CAPN2: variants seen among roughly 807,000 people sequenced by gnomAD.
CAPN2 encodes the protein calpain-2 catalytic subunit.
Under a neutral mutation model 102.3 loss-of-function variants are expected in CAPN2, and 92 were observed. That is an observed-to-expected ratio of 0.90 (90% CI 0.76 to 1.07). CAPN2 has a LOEUF of 1.07. Among genes scored for constraint, CAPN2 ranks in the 50% least tolerant of loss-of-function variants. The pLI is 0.00. For synonymous variants in CAPN2, 340 were observed against 355.4 expected (o/e 0.96, Z 0.49); for missense variants, 800 against 909.4 (o/e 0.88, Z 1.55).
chr1:223,708,598 G>A (rs1285009143), upstream of CAPN2, among the ~76,000 whole-genome samples: 1 of 151,640 alleles, frequency 6.6e-6, no homozygotes, highest in Non-Finnish European at 1.5e-5. Context: ...AGGAAACCCC[G>A]TCTCTACTAA....
In CAPN2 at chr1:223,755,323, A is replaced by G. The variant is rs1236840383; in HGVS notation, c.1136-157A>G. On this transcript the variant is annotated intron_variant, in intron 9 of 20. Coordinates refer to ENST00000295006, the MANE Select transcript of CAPN2 (RefSeq NM_001748.5). The surrounding 1 kb of genome is among the most constrained non-coding windows in gnomAD (Gnocchi z 4.1). ...CTTCTGCCATACTCTGCCATCTCCC[A>G]CCATCCCCCACCACCTCTTACCATC... Among the ~76,000 whole-genome samples, 1 of 150,644 alleles carries G rather than the reference A, an allele frequency of 6.6e-6. No homozygotes were observed. Among genetic ancestry groups the G allele is most frequent in the Non-Finnish European group, 1.5e-5 (1 of 67,648 alleles).
At chr1:223,749,152 C>G in intron 6 of CAPN2, 30 bp downstream of exon 6, 1 of 1,589,350 alleles carries the variant, frequency 6.3e-7, no homozygotes, top group Non-Finnish European at 8.6e-7. Context: ...TGCAGGGGTC[C>G]TGCTGTCCTG....
At position 223,769,847 on chromosome 1, in the gene CAPN2, G is replaced by A. The variant is rs753349903; in HGVS notation, c.1762G>A (p.Gly588Arg). Residue 588 changes from glycine (G) to arginine (R), a missense_variant, in exon 17 of 21, where the codon GGG becomes AGG. Coordinates refer to ENST00000295006, the MANE Select transcript of CAPN2 (RefSeq NM_001748.5). The part of the protein sequence containing the change: ...KIMVDMLDSD[G>R]SGKLGLKEFY... ...TTTCCTTGACTGAAGGCAGTCGGAC[G>A]GGAGTGGCAAGCTGGGGCTGAAGGA... The A allele has an allele frequency of 1.7e-5, 28 of 1,608,450 alleles. No individual in the cohort carries two copies. The highest frequency in any genetic ancestry group is 6.7e-5 in the African/African-American group (5 of 74,832).
intron 2 of CAPN2, among the ~76,000 whole-genome samples, chr1:223,722,281 CTTTTTTTTTTTT>C (rs34894876): frequency 0.25 from 22,491 of 88,620 alleles, 2,041 homozygotes; most frequent in Middle Eastern, 0.34. Flanking sequence ...TTCTTTCTTT[CTTTTTTTTTTTT>C]TTTTTTTTTT....
chr1:223,738,181 G>A (rs149800204), intron 2 of CAPN2, among the ~76,000 whole-genome samples: 119 of 151,112 alleles, frequency 7.9e-4, no homozygotes, highest in African/African-American at 2.7e-3. Flanking sequence ...TTTGTGAGAC[G>A]GGGTCTTGTT....
chr1:223,755,414 G>C lies in CAPN2; in HGVS notation c.1136-66G>C. On this transcript the variant is annotated intron_variant, in intron 9 of 20. Coordinates refer to ENST00000295006, the MANE Select transcript of CAPN2 (RefSeq NM_001748.5). The surrounding 1 kb of genome is among the most constrained non-coding windows in gnomAD (Gnocchi z 4.1). ...TCAGAAGCCTCCAAGCCTGAGACCAGGGCCACCCCCCACCCCCATGCATTC... is the reference window on the plus strand; with the variant it reads ...TCAGAAGCCTCCAAGCCTGAGACCACGGCCACCCCCCACCCCCATGCATTC... The C allele has an allele frequency of 6.4e-7, 1 of 1,565,248 alleles. No homozygotes were observed. The highest frequency in any genetic ancestry group is 1.1e-5 in the South Asian group (1 of 87,616).
chr1:223,771,057 T>A (rs1234359801), intron 18 of CAPN2: 1 of 153,308 alleles, frequency 6.5e-6, no homozygotes, highest in Non-Finnish European at 1.5e-5. Context: ...CTTTCTGTCG[T>A]ATAGCAATCC....
At chr1:223,746,695 G>T (rs544474805) in intron 4 of CAPN2, among the ~76,000 whole-genome samples, 73 of 152,158 alleles carry the variant, frequency 4.8e-4, no homozygotes, top group African/African-American at 1.7e-3. Flanking sequence ...GGCCAGGCTG[G>T]TCTTGAACTC....
At chr1:223,773,159 G>C (rs977554049) in intron 20 of CAPN2, 13 of 152,194 alleles carry the variant, frequency 8.5e-5, no homozygotes, top group Admixed American at 2.0e-4. Context: ...TGAAAATATA[G>C]TCTATCTGGT....
chr1:223,717,670 G>A (rs556248344), intron 1 of CAPN2, 92 bp from the exon 2 acceptor site: 6 of 948,148 alleles, frequency 6.3e-6, no homozygotes, highest in Non-Finnish European at 1.0e-5. Context: ...AAGGGGAGAA[G>A]GGGTTAGAAG....
chr1:223,721,832 T>C (rs1571784193), intron 2 of CAPN2, among the ~76,000 whole-genome samples: 1 of 152,232 alleles, frequency 6.6e-6, no homozygotes, highest in African/African-American at 2.4e-5. Context: ...GAAATGGGAA[T>C]AATGATAAGG....
chr1:223,770,512 A>T lies in CAPN2; in HGVS notation c.1890A>T (p.Ala630=). 1 of 1,613,004 alleles carries T rather than the reference A, an allele frequency of 6.2e-7. No individual in the cohort carries two copies. The highest frequency in any genetic ancestry group is 8.5e-7 in the Non-Finnish European group (1 of 1,179,030). Residue 630 remains alanine, a synonymous_variant, in exon 18 of 21, where the codon GCA becomes GCT. Transcript: ENST00000295006. ...TGAATTCCTATGAAATGCGGAAGGC[A>T]TTAGAAGAAGCAGGTAACCCTTTAT... The part of the protein sequence containing the change: ...GTMNSYEMRK[A]LEEAGFKMPC...
chr1:223,752,991 C>A (rs774182137), intron 9 of CAPN2, 35 bp downstream of exon 9: 2 of 1,605,406 alleles, frequency 1.2e-6, no homozygotes, highest in Admixed American at 1.7e-5. Context: ...TGTTGCAATG[C>A]GGGGCCACCA....
In CAPN2 at chr1:223,745,379, T is replaced by C. The variant is rs1660728630; in HGVS notation, c.500T>C (p.Phe167Ser). 1 of 1,614,156 alleles carries C rather than the reference T, an allele frequency of 6.2e-7. No individual in the cohort carries two copies. The highest frequency in any genetic ancestry group is 8.5e-7 in the Non-Finnish European group (1 of 1,180,022). The part of the protein sequence containing the change: ...RLPTKDGELL[F>S]VHSAEGSEFW... ...CCCACCAAGGACGGGGAGCTGCTCT[T>C]TGTGCATTCAGCCGAAGGGAGCGAG... The change falls in exon 4 of 21, where the codon TTT becomes TCT. Residue 167 changes from phenylalanine to serine, a missense_variant. Transcript: ENST00000295006.
intron 2 of CAPN2, among the ~76,000 whole-genome samples, chr1:223,736,483 C>T (rs568591170): frequency 1.3e-5 from 2 of 152,258 alleles, no homozygotes; most frequent in African/African-American, 4.8e-5. Context: ...CCTGGAGGTC[C>T]CCATTTGGGA....
chr1:223,758,839 C>T (rs1661106896), intron 11 of CAPN2: 1 of 250,486 alleles, frequency 4.0e-6, no homozygotes, highest in African/African-American at 2.3e-5. Flanking sequence ...ACTACAGGCG[C>T]TTGCCGCCAC....
intron 6 of CAPN2, 115 bp downstream of exon 6, chr1:223,749,237 C>T (rs903632136): frequency 5.8e-6 from 5 of 863,782 alleles, no homozygotes; most frequent in African/African-American, 3.3e-5. Context: ...AGTTTACACT[C>T]GGGCCCCGCA....
intron 14 of CAPN2, among the ~76,000 whole-genome samples, chr1:223,763,793 G>C (rs1408520180): frequency 1.3e-5 from 2 of 152,164 alleles, no homozygotes; most frequent in Non-Finnish European, 2.9e-5. Flanking sequence ...ACCGTATCTA[G>C]GCTGGGCACA....
rs918902725 is a variant in CAPN2, at chr1:223,725,048, A to G, written c.307+7217A>G. Among the ~76,000 whole-genome samples the G allele has an allele frequency of 1.3e-5, 2 of 152,222 alleles. No homozygotes were observed. Among genetic ancestry groups the G allele is most frequent in the Non-Finnish European group, 2.9e-5 (2 of 68,048 alleles). Reference sequence around the variant, plus strand: ...AGCGAATGAGGACTTGGTGTCTGGCAGTTAGGGACTGGCCTCTTATTCTGC... The same window carrying G: ...AGCGAATGAGGACTTGGTGTCTGGCGGTTAGGGACTGGCCTCTTATTCTGC... On this transcript the variant is annotated intron_variant, in intron 2 of 20. Coordinates refer to ENST00000295006, the MANE Select transcript of CAPN2 (RefSeq NM_001748.5). The surrounding 1 kb of genome is among the most constrained non-coding windows in gnomAD (Gnocchi z 4.1).
Sources: gnomAD v4.1 joint callset for allele counts (sites outside exome capture counted in the v4.1 genomes callset) on GRCh38, gnomAD v4.1.1 for gene constraint, Gnocchi (gnomAD v3.1) non-coding constraint, MANE v1.5 for transcripts, NCBI Gene and HGNC (gene_info 2026-07-23, HGNC 2026-07-21) for gene names.